The following GALNT2 variants were observed in gnomAD, a reference collection of about 807,000 sequenced individuals.
GALNT2 encodes the protein polypeptide N-acetylgalactosaminyltransferase 2.
GALNT2 carries 31 observed loss-of-function variants against 81.4 expected under a neutral mutation model. That is an observed-to-expected ratio of 0.38 (90% CI 0.29 to 0.51). The LOEUF (loss-of-function observed/expected upper bound fraction) is 0.51, where lower values mean the gene tolerates loss of function less well. GALNT2 is among the 20% of genes least tolerant of loss of function. The probability of loss-of-function intolerance (pLI) is 0.87; values close to 1 mark genes in which losing one functional copy is unlikely to be tolerated. For synonymous variants in GALNT2, 303 were observed against 287.4 expected, an observed-to-expected ratio of 1.05 and a Z score of -0.55; for missense variants, 629 against 765.7, an observed-to-expected ratio of 0.82 and a Z score of 2.11.
chr1:230,087,032 C>A lies in GALNT2; in HGVS notation c.126+19626C>A, dbSNP rs542038728. On this transcript the variant is annotated intron_variant, in intron 1 of 15. Transcript: ENST00000366672. ...GTGAGCACTTAACCCACACCAGGCA[C>A]GTAGGGAGAAAGAGCTCAGTAGAGT... Among the ~76,000 whole-genome samples, 416 of 152,314 alleles carry A rather than the reference C, an allele frequency of 2.7e-3. 6 individuals carry two copies. Among genetic ancestry groups the A allele is most frequent in the Non-Finnish European group, 4.4e-3 (299 of 68,026 alleles).
intron 1 of GALNT2, among the ~76,000 whole-genome samples, chr1:230,170,571 T>C (rs1034365868): frequency 2.6e-5 from 4 of 152,244 alleles, no homozygotes; most frequent in Admixed American, 2.6e-4. Context: ...TATATTGGTT[T>C]GTTTTACATT....
rs141059318 is a variant in GALNT2, at chr1:230,133,694, A to T, written c.127-44524A>T. ...GGTCTCGAACTCCTGACCTCAGGTG[A>T]TCCGCCTGTCTTGGCCTCCTAAAGT... On this transcript the variant is annotated intron_variant, in intron 1 of 15. Transcript: ENST00000366672. Among the ~76,000 whole-genome samples the T allele has an allele frequency of 4.2e-3, 639 of 152,254 alleles. 2 individuals carry two copies. Among genetic ancestry groups the T allele is most frequent in the African/African-American group, 0.015 (609 of 41,526 alleles).
At position 230,280,761 on chromosome 1, in the gene GALNT2, G is replaced by A. The variant is rs900087940; in HGVS notation, c.*1303G>A. ...GATGACTGCTTCAGGGGGCTTTGGGGAAAGAATTAGGAAGGGTCAGAACCA... is the reference window on the plus strand; with the variant it reads ...GATGACTGCTTCAGGGGGCTTTGGGAAAAGAATTAGGAAGGGTCAGAACCA... On this transcript the variant is annotated 3_prime_UTR_variant, in exon 16 of 16. Coordinates refer to ENST00000366672, the MANE Select transcript of GALNT2 (RefSeq NM_004481.5). The A allele has an allele frequency of 2.6e-5, 4 of 152,628 alleles. No individual in the cohort carries two copies. The East Asian group carries it at 7.7e-4, about 29-fold the overall frequency. 9.5% of individuals were successfully genotyped at this position (152,628 alleles called of 1,614,324 possible). A position where few individuals can be genotyped will look rare whatever the true frequency, so the allele number is the denominator to read the frequency against.
chr1:230,185,070 A>G (rs1663279758), intron 2 of GALNT2, among the ~76,000 whole-genome samples: 1 of 152,070 alleles, frequency 6.6e-6, no homozygotes, highest in Non-Finnish European at 1.5e-5. Flanking sequence ...GATCTCTAGC[A>G]TTTCCTTTTG....
At chr1:230,215,817 A>G (rs557768038) in intron 3 of GALNT2, among the ~76,000 whole-genome samples, 1 of 152,350 alleles carries the variant, frequency 6.6e-6, no homozygotes, top group South Asian at 2.1e-4. Flanking sequence ...GTACACATAA[A>G]CTACATACAT....
intron 3 of GALNT2, among the ~76,000 whole-genome samples, chr1:230,223,755 G>C (rs921848084): frequency 2.0e-5 from 3 of 152,234 alleles, no homozygotes; most frequent in African/African-American, 7.2e-5. Context: ...GTAGGCGTGA[G>C]CCACTGTGCC....
chr1:230,168,121 G>A (rs1662672834), intron 1 of GALNT2, among the ~76,000 whole-genome samples: 1 of 152,106 alleles, frequency 6.6e-6, no homozygotes, highest in Non-Finnish European at 1.5e-5. Flanking sequence ...CCCTGACTGG[G>A]GAGGCGGTGG....
chr1:230,100,310 CTTTTTTTTTTTTTTTTTT>C (rs573478928), intron 1 of GALNT2, among the ~76,000 whole-genome samples: 1 of 85,776 alleles, frequency 1.2e-5, no homozygotes, highest in African/African-American at 5.1e-5. Context: ...CTTTTTATTC[CTTTTTTTTTTTTTTTTTT>C]TTTTTTTTGA....
intron 1 of GALNT2, among the ~76,000 whole-genome samples, chr1:230,167,069 T>C (rs1042268277): frequency 6.6e-6 from 1 of 150,880 alleles, no homozygotes; most frequent in African/African-American, 2.4e-5. Context: ...CTCTTGGGGC[T>C]CTTTGCATAT....
chr1:230,068,908 A>T (rs1389412396), intron 1 of GALNT2, among the ~76,000 whole-genome samples: 3 of 152,248 alleles, frequency 2.0e-5, no homozygotes, highest in Non-Finnish European at 4.4e-5. Flanking sequence ...TGCAGGCAGC[A>T]AAAGCCGTGC....
At chr1:230,262,835 G>T in intron 12 of GALNT2, 87 bp from the exon 13 acceptor site, 2 of 1,419,740 alleles carry the variant, frequency 1.4e-6, no homozygotes, top group South Asian at 2.3e-5. Context: ...CCCCAACCCT[G>T]TTCTCCTCAG....
At chr1:230,171,567 G>A (rs190135556) in intron 1 of GALNT2, among the ~76,000 whole-genome samples, 2 of 152,222 alleles carry the variant, frequency 1.3e-5, no homozygotes, top group East Asian at 1.9e-4. Flanking sequence ...TAATTTAACA[G>A]TGACAACATA....
rs933990889 is a variant in GALNT2 at position 230,149,743 on chromosome 1, A to G, written c.127-28475A>G. ...ATACATTGAATCATTCAATGTCCAG[A>G]GTGGGAAATTACAGCCAAGCCCTCC... On this transcript the variant is annotated intron_variant, in intron 1 of 15. Transcript: ENST00000366672. 2.0e-5 allele frequency among the ~76,000 whole-genome samples: 3 copies of G among 152,202 alleles called. No homozygotes were observed. In the East Asian group the frequency reaches 5.8e-4, roughly 29 times the overall value.
At chr1:230,215,908 T>C (rs1239874071) in intron 3 of GALNT2, among the ~76,000 whole-genome samples, 1 of 152,242 alleles carries the variant, frequency 6.6e-6, no homozygotes, top group African/African-American at 2.4e-5. Context: ...TGAACTGTTA[T>C]TTTGTTACAC....
At chr1:230,151,119 C>G (rs774700795) in intron 1 of GALNT2, among the ~76,000 whole-genome samples, 10 of 152,108 alleles carry the variant, frequency 6.6e-5, no homozygotes, top group African/African-American at 9.7e-5. Flanking sequence ...TGTGTGGTGT[C>G]CTGGGTTTGA....
At chr1:230,245,831 A>C (rs1665351461) in intron 7 of GALNT2, among the ~76,000 whole-genome samples, 1 of 151,794 alleles carries the variant, frequency 6.6e-6, no homozygotes, top group South Asian at 2.1e-4. Flanking sequence ...CTACGCACCC[A>C]CTCCTGACCT....
In GALNT2 at chr1:230,274,472, G is replaced by T. The variant is rs1202461866; in HGVS notation, c.1468G>T (p.Val490Leu). Residue 490 changes from valine (V) to leucine (L), a missense_variant, in exon 15 of 16, where the codon GTG becomes TTG. Physicochemically the swap from Val to Leu is conservative, Grantham distance 32. This residue lies in a region of GALNT2 where 207 missense variants were observed against 225.5 expected (regional missense o/e 0.92). Coordinates refer to ENST00000366672, the MANE Select transcript of GALNT2 (RefSeq NM_004481.5). ...QEWALTKEKS[V>L]KHMDLCLTVV... is the part of the protein sequence containing the mutation. The stretch of plus-strand genomic sequence containing the variant: ...ATGGGCCTTGACGAAGGAGAAGTCG[G>T]TGAAGCACATGGATTTGTGCCTTAC... 1 of 1,613,586 alleles carries T rather than the reference G, an allele frequency of 6.2e-7. No individual in the cohort carries two copies. The highest frequency in any genetic ancestry group is 8.5e-7 in the Non-Finnish European group (1 of 1,179,782).
chr1:230,153,180 CAG>C (rs1166337852), intron 1 of GALNT2, among the ~76,000 whole-genome samples: 1 of 152,226 alleles, frequency 6.6e-6, no homozygotes, highest in Non-Finnish European at 1.5e-5. Context: ...CTTCTTATCT[CAG>C]TCTGTGGAGT....
chr1:230,232,791 G>A (rs1664905360), intron 3 of GALNT2, among the ~76,000 whole-genome samples: 1 of 152,080 alleles, frequency 6.6e-6, no homozygotes, highest in African/African-American at 2.4e-5. Context: ...TTGGAAAAAA[G>A]AAAGAAAAAC....
Sources: gnomAD v4.1 joint callset for allele counts (sites outside exome capture counted in the v4.1 genomes callset) on GRCh38, gnomAD v4.1.1 for gene constraint, gnomAD v4.1.1 regional missense constraint, MANE v1.5 for transcripts, NCBI Gene and HGNC (gene_info 2026-07-23, HGNC 2026-07-21) for gene names.